ITCH: variants seen among roughly 807,000 people sequenced by gnomAD.
ITCH encodes itchy E3 ubiquitin protein ligase, also known as E3 ubiquitin-protein ligase Itchy homolog.
A neutral mutation model predicts 126.8 loss-of-function variants in ITCH; 28 were observed. The ratio of observed to expected loss-of-function variants is 0.22; its 90% CI spans 0.16 to 0.30. ITCH has a LOEUF of 0.30. Among genes scored for constraint, ITCH ranks in the 10% least tolerant of loss-of-function variants. The pLI is 1.00. For synonymous variants in ITCH, 342 were observed against 340.0 expected (o/e 1.01, Z -0.06); for missense variants, 631 against 1,032.4 (o/e 0.61, Z 5.33).
intron 5 of ITCH, among the ~76,000 whole-genome samples, chr20:34,412,922 G>T (rs1418514805): frequency 6.6e-6 from 1 of 151,648 alleles, no homozygotes; most frequent in Non-Finnish European, 1.5e-5. Flanking sequence ...AAAATATAGA[G>T]CAGAGATGAA....
chr20:34,479,179 G>A (rs1988503635), intron 17 of ITCH, among the ~76,000 whole-genome samples: 1 of 151,984 alleles, frequency 6.6e-6, no homozygotes, highest in Admixed American at 6.6e-5. Context: ...GGCACTTGAT[G>A]GGGATTATTA....
At chr20:34,485,449 G>C (rs1989037067) in intron 20 of ITCH, among the ~76,000 whole-genome samples, 1 of 152,120 alleles carries the variant, frequency 6.6e-6, no homozygotes, top group Admixed American at 6.5e-5. Context: ...ATATCTCGTG[G>C]TTTTAATTTC....
At chr20:34,502,030 G>A (rs907896544) in intron 23 of ITCH, among the ~76,000 whole-genome samples, 11 of 152,068 alleles carry the variant, frequency 7.2e-5, no homozygotes, top group African/African-American at 2.7e-4. Flanking sequence ...ATGTAAAAAA[G>A]CCTCGGAGAC....
intron 17 of ITCH, 124 bp from the exon 18 acceptor site, chr20:34,479,503 AATC>A: frequency 1.3e-6 from 1 of 743,574 alleles, no homozygotes; most frequent in South Asian, 1.7e-5. Flanking sequence ...AAGCAATAAA[AATC>A]AACATGAGAT....
At chr20:34,487,725 G>A (rs986654642) in intron 20 of ITCH, among the ~76,000 whole-genome samples, 1 of 152,084 alleles carries the variant, frequency 6.6e-6, no homozygotes, top group Admixed American at 6.5e-5. Flanking sequence ...GATTGCCTGA[G>A]GTCAGGAGTT....
intron 2 of ITCH, among the ~76,000 whole-genome samples, chr20:34,379,765 C>G (rs375911703): frequency 6.0e-5 from 9 of 150,274 alleles, no homozygotes; most frequent in South Asian, 2.1e-4. Flanking sequence ...CGGCTAATTT[C>G]TTTTTGTGTT....
intron 6 of ITCH, 140 bp downstream of exon 6, chr20:34,414,019 T>C: frequency 1.4e-6 from 1 of 701,202 alleles, no homozygotes; most frequent in Non-Finnish European, 2.4e-6. Flanking sequence ...GGCTCACGCC[T>C]CTAATCCCAG....
At chr20:34,372,342 C>T (rs2037667917) in intron 2 of ITCH, among the ~76,000 whole-genome samples, 1 of 135,340 alleles carries the variant, frequency 7.4e-6, no homozygotes, top group Non-Finnish European at 1.6e-5. Flanking sequence ...TTCATAATGT[C>T]TGATGCTTTA....
At chr20:34,462,307 A>AGTCTTAGTATTTCTTTTTTTTTTTTTT in intron 14 of ITCH, 86 bp downstream of exon 14, 1 of 1,389,442 alleles carries the variant, frequency 7.2e-7, no homozygotes, top group African/African-American at 1.5e-5. Flanking sequence ...AAGGAGTGGA[A>AGTCTTAGTATTTCTTTTTTTTTTTTTT]GTCTTAGTAT....
chr20:34,402,738 C>T (rs761757567), intron 3 of ITCH: 70 of 347,530 alleles, frequency 2.0e-4, no homozygotes, highest in Non-Finnish European at 1.6e-4. Context: ...TTTCAAATCT[C>T]ATGTTGACCT....
chr20:34,489,993 TGGAAA>T (rs1989398522), intron 22 of ITCH, 67 bp downstream of exon 22: 1 of 1,121,056 alleles, frequency 8.9e-7, no homozygotes, highest in African/African-American at 1.5e-5. Context: ...TTACCACATA[TGGAAA>T]TGAGTCACAG....
At chr20:34,491,271 A>G (rs1247070980) in intron 22 of ITCH, among the ~76,000 whole-genome samples, 1 of 152,252 alleles carries the variant, frequency 6.6e-6, no homozygotes, top group Non-Finnish European at 1.5e-5. Context: ...AACATTATGA[A>G]TTTTAAGATA....
In ITCH at chr20:34,378,471, CAAAAAAAAA is replaced by C. The variant is rs35400213; in HGVS notation, c.-22+9016_-22+9024del. On this transcript the variant is annotated intron_variant, in intron 2 of 24. Coordinates refer to ENST00000374864, the MANE Select transcript of ITCH (RefSeq NM_031483.7). ...CTGGGCGATGAGCGAAACTCTGTCT[CAAAAAAAAA>C]AAAAAAAAAAAAAAGATGTAAAAAA... Among the ~76,000 whole-genome samples, 8 of 48,688 alleles carry C rather than the reference CAAAAAAAAA, an allele frequency of 1.6e-4. No individual in the cohort carries two copies. The South Asian group carries it at 4.0e-3, about 24-fold the overall frequency. 31.9% of individuals were successfully genotyped at this position (48,688 alleles called of 152,430 possible).
At chr20:34,405,242 C>T (rs906266590) in intron 3 of ITCH, among the ~76,000 whole-genome samples, 6 of 151,836 alleles carry the variant, frequency 4.0e-5, no homozygotes, top group African/African-American at 9.7e-5. Flanking sequence ...CAGTGGCTCA[C>T]GCCTGTAATT....
chr20:34,397,876 A>G (rs1032130679), intron 3 of ITCH, among the ~76,000 whole-genome samples: 2 of 152,160 alleles, frequency 1.3e-5, no homozygotes, highest in African/African-American at 4.8e-5. Flanking sequence ...CAGATTACAT[A>G]AGTAATATAC....
At position 34,451,161 on chromosome 20, in the gene ITCH, G is replaced by A. The variant is rs138180384; in HGVS notation, c.1210+1681G>A. 2.4e-3 allele frequency among the ~76,000 whole-genome samples: 368 copies of A among 152,094 alleles called. 2 individuals are homozygous for A. The highest frequency in any genetic ancestry group is 8.5e-3 in the African/African-American group (354 of 41,508). On this transcript the variant is annotated intron_variant, in intron 12 of 24. Coordinates refer to ENST00000374864, the MANE Select transcript of ITCH (RefSeq NM_031483.7). ...AAAAATTAGGTGGGCTTGGTGGCCC[G>A]TGCCTGTAATCCCAGCTGCTCAGGA...
At chr20:34,402,371 C>T (rs2038916974) in intron 3 of ITCH, 1 of 822,774 alleles carries the variant, frequency 1.2e-6, no homozygotes, top group Non-Finnish European at 2.2e-6. Flanking sequence ...TCTTTGAGAT[C>T]AATTTGGGTC....
intron 22 of ITCH, among the ~76,000 whole-genome samples, chr20:34,491,635 C>T (rs1989522246): frequency 6.6e-6 from 1 of 152,046 alleles, no homozygotes; most frequent in African/African-American, 2.4e-5. Flanking sequence ...AACTGAGCTT[C>T]TATAACAAGT....
chr20:34,457,841 CGGGAGACTGAGGT>C lies in ITCH; in HGVS notation c.1295+373_1295+385del, dbSNP rs1003621218. 9.2e-5 allele frequency among the ~76,000 whole-genome samples: 14 copies of C among 151,960 alleles called. No homozygotes were observed. In the South Asian group the frequency reaches 1.7e-3, roughly 18 times the overall value. On this transcript the variant is annotated intron_variant, in intron 13 of 24. Transcript: ENST00000374864. ...ATGTATACCTGTAGTCCCAGCTACT[CGGGAGACTGAGGT>C]GGGAGGATCACCTGAGCCCAGGAAG...
Sources: allele counts gnomAD v4.1 joint callset (sites outside exome capture counted in the v4.1 genomes callset), GRCh38; gene constraint gnomAD v4.1.1; transcripts MANE v1.5; gene names NCBI Gene and HGNC (gene_info 2026-07-23, HGNC 2026-07-21).